TAFA4: variants seen among roughly 807,000 people sequenced by gnomAD.
TAFA4 encodes TAFA chemokine like family member 4, also known as chemokine-like protein TAFA-4.
TAFA4 carries 20 observed loss-of-function variants against 21.1 expected under a neutral mutation model. The observed-to-expected ratio is 0.95, with a 90% CI of 0.67 to 1.38. The LOEUF is 1.38. TAFA4 is among the 40% of genes most tolerant of loss of function. The pLI, the probability that TAFA4 is intolerant of heterozygous loss-of-function variation, is 0.00. For synonymous variants in TAFA4, 71 were observed against 67.4 expected, an observed-to-expected ratio of 1.05 and a Z score of -0.26; for missense variants, 211 against 180.9, an observed-to-expected ratio of 1.17 and a Z score of -0.95.
intron 3 of TAFA4, among the ~76,000 whole-genome samples, chr3:68,810,156 C>T (rs1484493065): frequency 2.6e-5 from 4 of 152,202 alleles, no homozygotes; most frequent in Non-Finnish European, 5.9e-5. Context: ...CTGTACATTG[C>T]TTTGGGTAAT....
At chr3:68,736,400 C>T (rs1460906064) in intron 5 of TAFA4, among the ~76,000 whole-genome samples, 2 of 152,062 alleles carry the variant, frequency 1.3e-5, no homozygotes, top group Non-Finnish European at 2.9e-5. Flanking sequence ...GAAAAGATAA[C>T]TAGTTAGGGA....
intron 1 of TAFA4, among the ~76,000 whole-genome samples, chr3:68,927,457 A>C (rs527304757): frequency 2.3e-4 from 35 of 152,360 alleles, no homozygotes; most frequent in African/African-American, 7.9e-4. Context: ...GCCTTTTGTT[A>C]ACGTAACTGA....
At chr3:68,916,544 T>C (rs2090006664) in intron 1 of TAFA4, among the ~76,000 whole-genome samples, 1 of 152,210 alleles carries the variant, frequency 6.6e-6, no homozygotes, top group African/African-American at 2.4e-5. Flanking sequence ...TAAAACTAGG[T>C]CCCAACTTCA....
chr3:68,854,989 C>G (rs1291476239), intron 3 of TAFA4, among the ~76,000 whole-genome samples: 3 of 152,248 alleles, frequency 2.0e-5, no homozygotes, highest in South Asian at 2.1e-4. Context: ...CCCTTGGTTC[C>G]AAACCCATAG....
chr3:68,813,616 G>C (rs1382667098), intron 3 of TAFA4, among the ~76,000 whole-genome samples: 1 of 152,140 alleles, frequency 6.6e-6, no homozygotes, highest in Non-Finnish European at 1.5e-5. Flanking sequence ...ACTAAACCAG[G>C]AAGAAGTTGA....
At chr3:68,811,548 T>C (rs1474077294) in intron 3 of TAFA4, among the ~76,000 whole-genome samples, 2 of 152,130 alleles carry the variant, frequency 1.3e-5, no homozygotes, top group Non-Finnish European at 2.9e-5. Context: ...AGTAGCCAAT[T>C]CAATCAACTG....
intron 3 of TAFA4, among the ~76,000 whole-genome samples, chr3:68,824,082 G>C (rs899674326): frequency 3.3e-5 from 5 of 152,156 alleles, no homozygotes; most frequent in African/African-American, 1.2e-4. Context: ...CCAAGTACCA[G>C]GAAGGAAGCT....
intron 3 of TAFA4, among the ~76,000 whole-genome samples, chr3:68,772,628 A>G (rs1201672880): frequency 2.0e-5 from 3 of 152,162 alleles, no homozygotes; most frequent in African/African-American, 4.8e-5. Context: ...GTTCCAAGGC[A>G]TAGCTTCACG....
At chr3:68,908,179 T>C (rs2089922717) in intron 1 of TAFA4, among the ~76,000 whole-genome samples, 1 of 152,188 alleles carries the variant, frequency 6.6e-6, no homozygotes, top group South Asian at 2.1e-4. Flanking sequence ...CTAAAAGTAC[T>C]GATTAACCAT....
chr3:68,763,803 T>G (rs1702799733), intron 3 of TAFA4, among the ~76,000 whole-genome samples: 1 of 151,664 alleles, frequency 6.6e-6, no homozygotes, highest in Non-Finnish European at 1.5e-5. Flanking sequence ...ATAAACACCA[T>G]GGAATAAATG....
chr3:68,785,464 C>A (rs55957991), intron 3 of TAFA4, among the ~76,000 whole-genome samples: 12,820 of 152,210 alleles, frequency 0.084, 658 homozygotes, highest in African/African-American at 0.13. Flanking sequence ...CTGCCCCGCG[C>A]GGGAAGGCAG....
At chr3:68,849,946 A>T (rs947324446) in intron 3 of TAFA4, among the ~76,000 whole-genome samples, 1 of 152,210 alleles carries the variant, frequency 6.6e-6, no homozygotes, top group African/African-American at 2.4e-5. Context: ...TTGACAGTAA[A>T]ACTGTATAAA....
chr3:68,922,171 T>C (rs1007060353), intron 1 of TAFA4, among the ~76,000 whole-genome samples: 1 of 152,330 alleles, frequency 6.6e-6, no homozygotes, highest in East Asian at 1.9e-4. Context: ...GAAAAATGTA[T>C]TGTGTAAGAA....
At position 68,739,132 on chromosome 3, in the gene TAFA4, C is replaced by T. The variant is rs757342099; in HGVS notation, c.354G>A (p.Val118=). 28 of 1,613,898 alleles carry T rather than the reference C, an allele frequency of 1.7e-5. No homozygotes were observed. Among genetic ancestry groups the T allele is most frequent in the Non-Finnish European group, 2.2e-5 (26 of 1,179,912 alleles). Residue 118 remains valine, a synonymous_variant, in exon 5 of 6, where the codon GTG becomes GTA. Transcript: ENST00000295569. ...NPCLEGEDCK[V]LPDYSGWSCS... is the part of the protein sequence containing the mutation. ...AGGACCAACCTGAGTAATCTGGCAGCACTTTACAATCCTCTCCTTCCAAAC... is the reference window on the plus strand; with the variant it reads ...AGGACCAACCTGAGTAATCTGGCAGTACTTTACAATCCTCTCCTTCCAAAC...
chr3:68,848,142 C>T (rs1024599063), intron 3 of TAFA4, among the ~76,000 whole-genome samples: 1 of 152,162 alleles, frequency 6.6e-6, no homozygotes, highest in African/African-American at 2.4e-5. Context: ...AATAGCAGAA[C>T]CAAGCTTGGA....
intron 3 of TAFA4, among the ~76,000 whole-genome samples, chr3:68,779,829 G>T (rs527260102): frequency 6.6e-6 from 1 of 152,314 alleles, no homozygotes; most frequent in South Asian, 2.1e-4. Flanking sequence ...CTCTACTGGG[G>T]CACCACCTAG....
intron 3 of TAFA4, among the ~76,000 whole-genome samples, chr3:68,829,613 C>T (rs1281045438): frequency 2.6e-5 from 4 of 152,202 alleles, no homozygotes; most frequent in Non-Finnish European, 1.5e-5. Flanking sequence ...CGGATTTTCG[C>T]ATCGATGTTC....
intron 3 of TAFA4, among the ~76,000 whole-genome samples, chr3:68,776,550 C>A (rs1446378951): frequency 6.6e-6 from 1 of 152,144 alleles, no homozygotes; most frequent in East Asian, 1.9e-4. Flanking sequence ...AGAGACCATT[C>A]TACATCCATA....
chr3:68,805,731 C>T (rs1158325925), intron 3 of TAFA4, among the ~76,000 whole-genome samples: 1 of 151,710 alleles, frequency 6.6e-6, no homozygotes, highest in African/African-American at 2.4e-5. Flanking sequence ...CGCGTGTTCT[C>T]ACTCATAGGT....
Sources: gnomAD v4.1 joint callset for allele counts (sites outside exome capture counted in the v4.1 genomes callset) on GRCh38, gnomAD v4.1.1 for gene constraint, MANE v1.5 for transcripts, NCBI Gene and HGNC (gene_info 2026-07-23, HGNC 2026-07-21) for gene names.